The following CYP3A5 variants were observed in gnomAD, a reference collection of about 807,000 sequenced individuals.
CYP3A5 encodes cytochrome P450 3A5.
A neutral mutation model predicts 55.9 loss-of-function variants in CYP3A5; 51 were observed. The observed-to-expected ratio is 0.91, with a 90% CI of 0.73 to 1.15. The LOEUF (loss-of-function observed/expected upper bound fraction) is 1.15, where lower values mean the gene tolerates loss of function less well. Among genes scored for constraint, CYP3A5 ranks in the 50% most tolerant of loss-of-function variants. The pLI, the probability that CYP3A5 is intolerant of heterozygous loss-of-function variation, is 0.00. For synonymous variants in CYP3A5, 196 were observed against 213.9 expected (o/e 0.92, Z 0.73); for missense variants, 533 against 596.6 (o/e 0.89, Z 1.11).
chr7:99,660,379 T>TA, intron 10 of CYP3A5, 120 bp downstream of exon 10: 1 of 1,465,066 alleles, frequency 6.8e-7, no homozygotes, highest in East Asian at 2.5e-5. Flanking sequence ...GCTTCCTACA[T>TA]TATGTCAGTG....
chr7:99,669,029 T>C (rs577689006), intron 4 of CYP3A5, among the ~76,000 whole-genome samples: 4 of 152,374 alleles, frequency 2.6e-5, no homozygotes, highest in Non-Finnish European at 5.9e-5. Flanking sequence ...TCTATTTTCC[T>C]ATCTGTTAAT....
At chr7:99,666,529 C>T in intron 6 of CYP3A5, 72 bp downstream of exon 6, 1 of 1,498,798 alleles carries the variant, frequency 6.7e-7, no homozygotes, top group South Asian at 1.1e-5. Flanking sequence ...AACAGTGCGA[C>T]TGTCGACTCC....
In CYP3A5 at chr7:99,648,355, G is replaced by A. The variant is rs780823245; in HGVS notation, c.1459C>T (p.Pro487Ser). The A allele has an allele frequency of 3.7e-6, 6 of 1,611,858 alleles. No homozygotes were observed. In the East Asian group the frequency reaches 8.9e-5, roughly 24 times the overall value. The part of the protein sequence containing the change: ...DTQGLLQPEK[P>S]IVLKVDSRDG... ...CTTGAATCCACCTTTAGAACAATGG[G>A]TTTTTCTGGTTGAAGAAGTCCTTGC... is the stretch of plus-strand genomic sequence containing the variant. Residue 487 changes from proline to serine, a missense_variant, in exon 13 of 13, where the codon CCC becomes TCC. Pro to Ser is a moderately conservative substitution (Grantham distance 74). Coordinates refer to ENST00000222982, the MANE Select transcript of CYP3A5 (RefSeq NM_000777.5).
chr7:99,660,517 A>G lies in CYP3A5; in HGVS notation c.1008T>C (p.Asp336=), dbSNP rs769769811. The change falls in exon 10 of 13, where the codon GAT becomes GAC. Residue 336 remains aspartate, a synonymous_variant. Coordinates refer to ENST00000222982, the MANE Select transcript of CYP3A5 (RefSeq NM_000777.5). ...CCCTCACCTTATTGGGCAAAACTGC[A>G]TCAATCTCCTTTTGCAGTTTCTGCT... ...DVQQKLQKEI[D]AVLPNKAPPT... The G allele has an allele frequency of 3.7e-6, 6 of 1,612,784 alleles. No homozygotes were observed. The highest frequency in any genetic ancestry group is 1.7e-5 in the Admixed American group (1 of 59,854).
chr7:99,675,985 G>T, intron 2 of CYP3A5, 130 bp downstream of exon 2: 2 of 741,582 alleles, frequency 2.7e-6, no homozygotes, highest in Non-Finnish European at 4.5e-6. Context: ...ATGATCCACT[G>T]CACCCAGTCC....
intron 5 of CYP3A5, 30 bp from the exon 6 acceptor site, chr7:99,666,719 T>A: frequency 1.2e-6 from 2 of 1,614,020 alleles, no homozygotes; most frequent in Non-Finnish European, 1.7e-6. Flanking sequence ...GTACCTGTAG[T>A]TAAATGTGCA....
In CYP3A5 at chr7:99,671,991, T is replaced by G; in HGVS notation, c.318+589A>C. 6.4e-6 allele frequency: 4 copies of G among 625,938 alleles called. No homozygotes were observed. In the South Asian group the frequency reaches 7.5e-5, roughly 12 times the overall value. 38.8% of individuals were successfully genotyped at this position (625,938 alleles called of 1,614,324 possible). On this transcript the variant is annotated intron_variant, in intron 4 of 12. Transcript: ENST00000222982. ...TCTGTAAACTATATCAAAGTCAATTTCCTGTACTATAGTATTAGGTTGGTG... is the reference window on the plus strand; with the variant it reads ...TCTGTAAACTATATCAAAGTCAATTGCCTGTACTATAGTATTAGGTTGGTG...
intron 11 of CYP3A5, 46 bp from the exon 12 acceptor site, chr7:99,650,278 C>T: frequency 6.3e-7 from 1 of 1,578,712 alleles, no homozygotes; most frequent in East Asian, 2.2e-5. Flanking sequence ...ACATAAAAAC[C>T]ACAGAGTTAC....
At chr7:99,663,179 G>A (rs965031747) in intron 8 of CYP3A5, 32 of 1,131,616 alleles carry the variant, frequency 2.8e-5, no homozygotes, top group Non-Finnish European at 3.4e-5. Flanking sequence ...AAGAGTTGCC[G>A]GTTCCATCTC....
At chr7:99,671,895 T>C (rs1383881069) in intron 4 of CYP3A5, 1 of 701,142 alleles carries the variant, frequency 1.4e-6, no homozygotes, top group Non-Finnish European at 2.6e-6. Flanking sequence ...ATGTGAAAAA[T>C]TGCTTAGAAC....
chr7:99,650,511 C>G (rs1056803442), intron 11 of CYP3A5, among the ~76,000 whole-genome samples: 1 of 152,140 alleles, frequency 6.6e-6, no homozygotes, highest in Non-Finnish European at 1.5e-5. Flanking sequence ...AAATTATATT[C>G]AGGGTGGTGA....
chr7:99,665,653 T>A (rs1810927941), intron 6 of CYP3A5, among the ~76,000 whole-genome samples: 1 of 152,234 alleles, frequency 6.6e-6, no homozygotes, highest in African/African-American at 2.4e-5. Context: ...GCTCTGTGCT[T>A]CAGCAGAACA....
intron 6 of CYP3A5, among the ~76,000 whole-genome samples, chr7:99,665,797 A>G (rs1318906161): frequency 1.3e-5 from 2 of 152,216 alleles, no homozygotes; most frequent in African/African-American, 4.8e-5. Flanking sequence ...TCCTAGAAAT[A>G]TCATCCTTTA....
chr7:99,676,175 T>A lies in CYP3A5; in HGVS notation c.105A>T (p.Arg35Ser). The A allele has an allele frequency of 6.2e-7, 1 of 1,613,760 alleles. No individual in the cohort carries two copies. Among genetic ancestry groups the A allele is most frequent in the Non-Finnish European group, 8.5e-7 (1 of 1,179,880 alleles). The change falls in exon 2 of 13, where the codon AGA becomes AGT. Residue 35 changes from arginine to serine, a missense_variant. Arg to Ser is a moderately radical substitution (Grantham distance 110). Coordinates refer to ENST00000222982, the MANE Select transcript of CYP3A5 (RefSeq NM_000777.5). ...YGTRTHGLFK[R>S]LGIPGPTPLP... ...GAGGTGTGGGCCCTGGAATTCCCAG[T>A]CTCTTAAAAAGTCCATGTGTACGGG...
At chr7:99,663,382 C>G in intron 8 of CYP3A5, 1 of 991,974 alleles carries the variant, frequency 1.0e-6, no homozygotes, top group Non-Finnish European at 1.2e-6. Flanking sequence ...TTACCTGGTC[C>G]TGTCTCCCTG....
intron 11 of CYP3A5, 127 bp from the exon 12 acceptor site, chr7:99,650,359 G>T: frequency 1.2e-6 from 1 of 838,614 alleles, no homozygotes; most frequent in Non-Finnish European, 1.9e-6. Flanking sequence ...ATACTTTTGT[G>T]GGCTGGTCAT....
chr7:99,651,020 G>T (rs1157230764), intron 11 of CYP3A5, among the ~76,000 whole-genome samples: 1 of 152,160 alleles, frequency 6.6e-6, no homozygotes, highest in African/African-American at 2.4e-5. Flanking sequence ...TGGCATTGTT[G>T]TCATATGTTT....
intron 1 of CYP3A5, among the ~76,000 whole-genome samples, chr7:99,677,913 A>G (rs1812446942): frequency 6.6e-6 from 1 of 152,202 alleles, no homozygotes; most frequent in South Asian, 2.1e-4. Flanking sequence ...GATCTTGGTG[A>G]GTGTCTAGAT....
chr7:99,672,843 C>A lies in CYP3A5; in HGVS notation c.219-164G>T, dbSNP rs1365655445. The A allele has an allele frequency of 3.5e-6, 5 of 1,432,318 alleles. No individual in the cohort carries two copies. In the African/African-American group the frequency reaches 7.2e-5, roughly 21 times the overall value. The allele number at this position is 1,432,318 out of a possible 1,614,324, so 88.7% of individuals were successfully genotyped here. Reference sequence around the variant, plus strand: ...TAGTTCATTAGGGTGTGACACACAGCAAGAGTCTCACACAGGAGCCACCCA... The same window carrying A: ...TAGTTCATTAGGGTGTGACACACAGAAAGAGTCTCACACAGGAGCCACCCA... On this transcript the variant is annotated intron_variant, in intron 3 of 12. Coordinates refer to ENST00000222982, the MANE Select transcript of CYP3A5 (RefSeq NM_000777.5).
Sources: gnomAD v4.1 joint callset for allele counts (sites outside exome capture counted in the v4.1 genomes callset) on GRCh38, gnomAD v4.1.1 for gene constraint, MANE v1.5 for transcripts, NCBI Gene and HGNC (gene_info 2026-07-23, HGNC 2026-07-21) for gene names.